The following AUTS2 variants were observed in gnomAD, a reference collection of about 807,000 sequenced individuals.
AUTS2 encodes activator of transcription and developmental regulator AUTS2.
AUTS2 carries 17 observed loss-of-function variants against 112.4 expected under a neutral mutation model. The ratio of observed to expected loss-of-function variants is 0.15; its 90% confidence interval spans 0.10 to 0.23. The LOEUF (loss-of-function observed/expected upper bound fraction) is 0.23, where lower values mean the gene tolerates loss of function less well. Among genes scored for constraint, AUTS2 ranks in the 10% least tolerant of loss-of-function variants. The pLI is 1.00. For missense variants in AUTS2, 1,510 were observed against 1,701.6 expected (o/e 0.89, Z 1.98); for synonymous variants, 751 against 702.7 (o/e 1.07, Z -1.09).
chr7:70,751,984 C>T (rs1301823726), intron 6 of AUTS2, among the ~76,000 whole-genome samples: 1 of 152,016 alleles, frequency 6.6e-6, no homozygotes, highest in Non-Finnish European at 1.5e-5. Context: ...CTTGGCCTCC[C>T]AAAGTTCTGG....
intron 2 of AUTS2, among the ~76,000 whole-genome samples, chr7:69,913,789 C>T (rs558628401): frequency 4.7e-4 from 72 of 152,274 alleles, no homozygotes; most frequent in African/African-American, 1.7e-3. Flanking sequence ...GCCCAGTTAT[C>T]CAGTGCTGTT....
chr7:70,107,049 T>C (rs952498627), intron 2 of AUTS2, among the ~76,000 whole-genome samples: 1 of 152,198 alleles, frequency 6.6e-6, no homozygotes, highest in Non-Finnish European at 1.5e-5. Flanking sequence ...GGTAGTGGTT[T>C]TTGACCTTTT....
intron 2 of AUTS2, among the ~76,000 whole-genome samples, chr7:69,967,919 T>C (rs1373753027): frequency 2.0e-5 from 3 of 152,184 alleles, no homozygotes; most frequent in Non-Finnish European, 4.4e-5. Flanking sequence ...GAAGTTGTAT[T>C]TGTGAATGTA....
intron 4 of AUTS2, among the ~76,000 whole-genome samples, chr7:70,331,179 G>C (rs956978334): frequency 2.6e-5 from 4 of 152,044 alleles, no homozygotes; most frequent in Non-Finnish European, 5.9e-5. Context: ...GTCTGGTCCT[G>C]GGCTTTTTTT....
intron 1 of AUTS2, among the ~76,000 whole-genome samples, chr7:69,780,449 T>C (rs1161030495): frequency 6.6e-6 from 1 of 152,232 alleles, no homozygotes; most frequent in African/African-American, 2.4e-5. Context: ...TGTGTTGTGA[T>C]AGGGCCATGC....
chr7:70,414,363 A>G (rs1794905775), intron 4 of AUTS2, among the ~76,000 whole-genome samples: 1 of 152,180 alleles, frequency 6.6e-6, no homozygotes, highest in Admixed American at 6.5e-5. Context: ...ATGAACATAC[A>G]ATTAGTGACC....
intron 2 of AUTS2, among the ~76,000 whole-genome samples, chr7:70,087,515 G>A: frequency 6.6e-6 from 1 of 151,506 alleles, no homozygotes; most frequent in Non-Finnish European, 1.5e-5. Flanking sequence ...GATTACAGGT[G>A]CCCACCACCA....
chr7:70,694,020 G>C lies in AUTS2; in HGVS notation c.691-4549G>C, dbSNP rs1029132785. ...GGAGGGGCGGTGGCACCGGCGGCTC[G>C]GGCTCGGCGCGCCGAGGAAGTCCCG... On this transcript the variant is annotated intron_variant, in intron 5 of 18. Coordinates refer to ENST00000342771, the MANE Select transcript of AUTS2 (RefSeq NM_015570.4). The surrounding 1 kb of genome is among the most constrained non-coding windows in gnomAD (Gnocchi z 4.1). 6.6e-6 allele frequency: 1 copy of C among 151,660 alleles called. No individual in the cohort carries two copies. The highest frequency in any genetic ancestry group is 1.5e-5 in the Non-Finnish European group (1 of 67,858). 9.4% of individuals were successfully genotyped at this position (151,660 alleles called of 1,614,324 possible). A position where few individuals can be genotyped will look rare whatever the true frequency, so the allele number is the denominator to read the frequency against.
chr7:70,732,229 A>G (rs977386548), intron 6 of AUTS2, among the ~76,000 whole-genome samples: 2 of 152,210 alleles, frequency 1.3e-5, no homozygotes, highest in African/African-American at 4.8e-5. Flanking sequence ...AAATACTTAG[A>G]ATAGTGCTTA....
At chr7:70,682,918 G>C (rs892453194) in intron 5 of AUTS2, among the ~76,000 whole-genome samples, 1 of 152,196 alleles carries the variant, frequency 6.6e-6, no homozygotes, top group African/African-American at 2.4e-5. Context: ...GGTACTGCTT[G>C]GGCATCCTTA....
intron 4 of AUTS2, among the ~76,000 whole-genome samples, chr7:70,328,332 C>T (rs760192389): frequency 6.6e-5 from 10 of 152,070 alleles, no homozygotes; most frequent in Admixed American, 2.0e-4. Context: ...AGCAGTCTTC[C>T]CACCTCAGCC....
At chr7:69,647,489 G>C (rs963517161) in intron 1 of AUTS2, among the ~76,000 whole-genome samples, 1 of 151,882 alleles carries the variant, frequency 6.6e-6, no homozygotes, top group Non-Finnish European at 1.5e-5. Flanking sequence ...TGAGTAGCTG[G>C]GACTACAGGC....
chr7:70,273,498 C>T (rs1787789249), intron 4 of AUTS2, among the ~76,000 whole-genome samples: 1 of 145,398 alleles, frequency 6.9e-6, no homozygotes, highest in Non-Finnish European at 1.5e-5. Flanking sequence ...TATTATTTTA[C>T]TGGCATTCTA....
chr7:70,193,461 A>G (rs757925095), intron 4 of AUTS2, among the ~76,000 whole-genome samples: 5 of 152,244 alleles, frequency 3.3e-5, no homozygotes, highest in African/African-American at 1.2e-4. Context: ...CCTGCCTTCT[A>G]CATAGTATCC....
chr7:70,571,022 C>T (rs1585315891), intron 5 of AUTS2, among the ~76,000 whole-genome samples: 1 of 152,166 alleles, frequency 6.6e-6, no homozygotes, highest in Non-Finnish European at 1.5e-5. Context: ...CACGTAGGTC[C>T]TTTAGAATGG....
rs12698858 is a variant in AUTS2 at position 70,147,982 on chromosome 7, T to G, written c.660+13411T>G. 6.1e-3 allele frequency among the ~76,000 whole-genome samples: 934 copies of G among 151,994 alleles called. 7 individuals carry two copies. Among genetic ancestry groups the G allele is most frequent in the African/African-American group, 0.021 (870 of 41,472 alleles). Reference sequence around the variant, plus strand: ...CCAAGAAGTGATCTCTCTTTCCATCTATGTGGCTGGATTCTGTAAACCAGC... The same window carrying G: ...CCAAGAAGTGATCTCTCTTTCCATCGATGTGGCTGGATTCTGTAAACCAGC... On this transcript the variant is annotated intron_variant, in intron 4 of 18. Coordinates refer to ENST00000342771, the MANE Select transcript of AUTS2 (RefSeq NM_015570.4).
intron 1 of AUTS2, among the ~76,000 whole-genome samples, chr7:69,670,854 G>A (rs938011350): frequency 2.0e-5 from 3 of 152,014 alleles, no homozygotes; most frequent in Non-Finnish European, 2.9e-5. Flanking sequence ...GTGACTGATC[G>A]AGACCCTGTC....
At chr7:70,587,949 C>T (rs1585339178) in intron 5 of AUTS2, among the ~76,000 whole-genome samples, 1 of 151,564 alleles carries the variant, frequency 6.6e-6, no homozygotes, top group Non-Finnish European at 1.5e-5. Context: ...CCCCTCCACA[C>T]CCTCACACTG....
intron 1 of AUTS2, among the ~76,000 whole-genome samples, chr7:69,753,464 C>T (rs1364645087): frequency 6.6e-6 from 1 of 152,060 alleles, no homozygotes; most frequent in East Asian, 1.9e-4. Flanking sequence ...GCTCACAAGC[C>T]TGGGCAGTTC....
Sources: gnomAD v4.1 joint callset for allele counts (sites outside exome capture counted in the v4.1 genomes callset) on GRCh38, gnomAD v4.1.1 for gene constraint, Gnocchi (gnomAD v3.1) non-coding constraint, MANE v1.5 for transcripts, NCBI Gene and HGNC (gene_info 2026-07-23, HGNC 2026-07-21) for gene names.